Variants in IGF1R observed in about 807,000 individuals in gnomAD.
IGF1R encodes insulin like growth factor 1 receptor, also known as insulin-like growth factor 1 receptor.
In IGF1R, 44 loss-of-function variants were observed where a neutral mutation model predicts 144.6. The ratio of observed to expected loss-of-function variants is 0.30; its 90% CI spans 0.24 to 0.39. The LOEUF (loss-of-function observed/expected upper bound fraction) is 0.39, where lower values mean the gene tolerates loss of function less well. IGF1R is among the 10% of genes least tolerant of loss of function. IGF1R has a pLI of 1.00. For synonymous variants in IGF1R, 795 were observed against 722.8 expected (o/e 1.10, Z -1.60); for missense variants, 1,355 against 1,833.7 (o/e 0.74, Z 4.77).
intron 6 of IGF1R, among the ~76,000 whole-genome samples, chr15:98,911,044 T>G (rs2014990936): frequency 6.6e-6 from 1 of 152,200 alleles, no homozygotes. Context: ...GCCCCTTGTT[T>G]TCAGGTTAGG....
chr15:98,760,957 A>G (rs1374397048), intron 2 of IGF1R, among the ~76,000 whole-genome samples: 3 of 152,378 alleles, frequency 2.0e-5, no homozygotes, highest in East Asian at 1.9e-4. Flanking sequence ...AAAGTGACAT[A>G]TATACTGAAC....
intron 2 of IGF1R, among the ~76,000 whole-genome samples, chr15:98,814,044 T>G (rs1448242438): frequency 6.6e-6 from 1 of 152,226 alleles, no homozygotes; most frequent in Admixed American, 6.5e-5. Flanking sequence ...TGCAAAAGCT[T>G]CTCTTGAATG....
In IGF1R at chr15:98,962,666, GCA is replaced by G. The variant is rs2017272031; in HGVS notation, c.*5227_*5228del. 1.3e-5 allele frequency: 3 copies of G among 233,710 alleles called. No individual in the cohort carries two copies. Among genetic ancestry groups the G allele is most frequent in the Admixed American group, 1.1e-4 (2 of 17,784 alleles). The allele number at this position is 233,710 out of a possible 1,614,324, so 14.5% of individuals were successfully genotyped here. The stretch of plus-strand genomic sequence containing the variant: ...CAGAACCATTGTCACAGGGATCCTG[GCA>G]CAGAGAAGAGTTACGAGCAGCAGGG... On this transcript the variant is annotated 3_prime_UTR_variant, in exon 21 of 21. Transcript: ENST00000650285.
At chr15:98,758,200 T>G (rs1325381690) in intron 2 of IGF1R, among the ~76,000 whole-genome samples, 1 of 148,940 alleles carries the variant, frequency 6.7e-6, no homozygotes, top group Non-Finnish European at 1.5e-5. Flanking sequence ...ATTTAAAATT[T>G]TAAAGTGTTT....
chr15:98,661,486 G>T (rs1350561489), intron 1 of IGF1R, among the ~76,000 whole-genome samples: 1 of 152,228 alleles, frequency 6.6e-6, no homozygotes, highest in Non-Finnish European at 1.5e-5. Flanking sequence ...TTTGAAGCTG[G>T]AATGTTAATA....
intron 2 of IGF1R, among the ~76,000 whole-genome samples, chr15:98,868,769 A>G (rs190630726): frequency 1.1e-4 from 16 of 152,298 alleles, no homozygotes; most frequent in African/African-American, 3.8e-4. Flanking sequence ...CTGACAGCGT[A>G]TGCCAAGCGC....
At chr15:98,823,830 G>C (rs918772142) in intron 2 of IGF1R, among the ~76,000 whole-genome samples, 3 of 151,984 alleles carry the variant, frequency 2.0e-5, no homozygotes, top group African/African-American at 7.3e-5. Flanking sequence ...TCTCACCCTG[G>C]TTTAAATAAA....
chr15:98,756,391 T>C (rs2055157268), intron 2 of IGF1R, among the ~76,000 whole-genome samples: 1 of 152,072 alleles, frequency 6.6e-6, no homozygotes. Flanking sequence ...CTTTTAAGCC[T>C]TTTCTCTGGA....
chr15:98,904,674 G>C (rs2014646928), intron 5 of IGF1R, among the ~76,000 whole-genome samples: 1 of 152,330 alleles, frequency 6.6e-6, no homozygotes, highest in South Asian at 2.1e-4. Context: ...GCCCCCTAGA[G>C]ACAGCCGTGA....
chr15:98,890,884 T>G (rs2013874306), intron 2 of IGF1R: 1 of 251,488 alleles, frequency 4.0e-6, no homozygotes, highest in African/African-American at 2.2e-5. Context: ...TTAAAAGAGT[T>G]TTCAGTAAGG....
chr15:98,799,685 G>A (rs983988517), intron 2 of IGF1R, among the ~76,000 whole-genome samples: 1 of 152,182 alleles, frequency 6.6e-6, no homozygotes, highest in Non-Finnish European at 1.5e-5. Flanking sequence ...TAGCGGAGGG[G>A]AGTGCTGAGG....
At chr15:98,821,728 T>G (rs1415656279) in intron 2 of IGF1R, among the ~76,000 whole-genome samples, 1 of 152,214 alleles carries the variant, frequency 6.6e-6, no homozygotes, top group Non-Finnish European at 1.5e-5. Context: ...ACTAGCCCAT[T>G]CTTGGGATGA....
At chr15:98,794,406 C>T (rs2141421496) in intron 2 of IGF1R, among the ~76,000 whole-genome samples, 1 of 152,162 alleles carries the variant, frequency 6.6e-6, no homozygotes, top group East Asian at 1.9e-4. Context: ...GTGTTGCCCC[C>T]CGTGGTGCTC....
At chr15:98,717,661 G>A (rs530511715) in intron 2 of IGF1R, among the ~76,000 whole-genome samples, 19 of 152,258 alleles carry the variant, frequency 1.2e-4, no homozygotes, top group Admixed American at 4.6e-4. Context: ...ATTTGGTTCC[G>A]AAACTGAATT....
rs994735386 is a variant in IGF1R at position 98,648,904 on chromosome 15, C to T, written c.-678C>T. ...CGCGGGGCGGGCGGCGGCGCAGAGC[C>T]GGGCGGCGCGGCGGGAGTGCTGAGC... On this transcript the variant is annotated 5_prime_UTR_variant, in exon 1 of 21. Coordinates refer to ENST00000650285, the MANE Select transcript of IGF1R (RefSeq NM_000875.5). The T allele has an allele frequency of 8.5e-5, 13 of 153,832 alleles. No individual in the cohort carries two copies. The Admixed American group carries it at 8.8e-4, about 10-fold the overall frequency. The allele number at this position is 153,832 out of a possible 1,614,324, so 9.5% of individuals were successfully genotyped here. A position where few individuals can be genotyped will look rare whatever the true frequency, so the allele number is the denominator to read the frequency against.
chr15:98,893,085 C>T (rs2014009185), intron 3 of IGF1R, among the ~76,000 whole-genome samples: 1 of 152,176 alleles, frequency 6.6e-6, no homozygotes, highest in Non-Finnish European at 1.5e-5. Flanking sequence ...ACCAGGGGGC[C>T]TGTCTTTCTG....
At chr15:98,871,533 C>T (rs989842531) in intron 2 of IGF1R, among the ~76,000 whole-genome samples, 6 of 152,216 alleles carry the variant, frequency 3.9e-5, no homozygotes, top group African/African-American at 7.2e-5. Context: ...CATTTTCACA[C>T]TGCTGATAAA....
At chr15:98,954,763 A>G (rs2016913101) in intron 20 of IGF1R, among the ~76,000 whole-genome samples, 1 of 152,140 alleles carries the variant, frequency 6.6e-6, no homozygotes, top group Non-Finnish European at 1.5e-5. Flanking sequence ...TCATGTCGTT[A>G]TGGCCTATTT....
At chr15:98,802,649 G>A (rs2056386675) in intron 2 of IGF1R, among the ~76,000 whole-genome samples, 1 of 152,240 alleles carries the variant, frequency 6.6e-6, no homozygotes, top group South Asian at 2.1e-4. Flanking sequence ...TGCAATTTCT[G>A]TGGACGTGCA....
Sources: gnomAD v4.1 joint callset for allele counts (sites outside exome capture counted in the v4.1 genomes callset) on GRCh38, gnomAD v4.1.1 for gene constraint, MANE v1.5 for transcripts, NCBI Gene and HGNC (gene_info 2026-07-23, HGNC 2026-07-21) for gene names.